The following PTTG1IP2 variants were observed in gnomAD, a reference collection of about 807,000 sequenced individuals.
PTTG1IP2 encodes the protein PTTG1IP family member 2.
chr7:90,509,248 C>G (rs1798158307), intron 6 of PTTG1IP2, among the ~76,000 whole-genome samples: 1 of 151,494 alleles, frequency 6.6e-6, no homozygotes, highest in East Asian at 1.9e-4. Context: ...GTCAGGAAAA[C>G]CAGTCAGGAG....
intron 6 of PTTG1IP2, among the ~76,000 whole-genome samples, chr7:90,506,076 A>G (rs1798121798): frequency 6.6e-6 from 1 of 151,168 alleles, no homozygotes; most frequent in South Asian, 2.1e-4. Flanking sequence ...TTTAAATGGT[A>G]ATTACACACT....
chr7:90,493,069 T>A (rs1797956935), intron 5 of PTTG1IP2, among the ~76,000 whole-genome samples: 2 of 152,102 alleles, frequency 1.3e-5, no homozygotes, highest in South Asian at 2.1e-4. Context: ...CACAAAAAAA[T>A]TTTACATCAT....
intron 5 of PTTG1IP2, among the ~76,000 whole-genome samples, chr7:90,493,545 G>A (rs1393755700): frequency 6.6e-6 from 1 of 152,164 alleles, no homozygotes; most frequent in Non-Finnish European, 1.5e-5. Flanking sequence ...AGAGCACAAG[G>A]TTAGGTATTT....
chr7:90,494,690 C>T lies in PTTG1IP2; in HGVS notation c.*50+260C>T, dbSNP rs1010693630. ...TGAGGCCAGGAGTTCGAGACTAGCC[C>T]GGACAATATAGCGAGATTCCATGTC... On this transcript the variant is annotated intron_variant, in intron 6 of 6. Transcript: ENST00000509356. 5.9e-5 allele frequency among the ~76,000 whole-genome samples: 9 copies of T among 152,080 alleles called. No homozygotes were observed. The South Asian group carries it at 8.3e-4, about 14-fold the overall frequency.
At chr7:90,481,303 TG>T (rs950976842) in intron 2 of PTTG1IP2, among the ~76,000 whole-genome samples, 5 of 152,322 alleles carry the variant, frequency 3.3e-5, no homozygotes, top group Admixed American at 3.3e-4. Flanking sequence ...TTAACGGCAC[TG>T]GACCCACATT....
At chr7:90,477,165 A>G (rs1797757467) in intron 1 of PTTG1IP2, among the ~76,000 whole-genome samples, 1 of 152,222 alleles carries the variant, frequency 6.6e-6, no homozygotes, top group Non-Finnish European at 1.5e-5. Flanking sequence ...TGTAATCAAG[A>G]GCAAAGAAGT....
At chr7:90,509,111 G>A (rs1170219038) in intron 6 of PTTG1IP2, among the ~76,000 whole-genome samples, 1 of 133,754 alleles carries the variant, frequency 7.5e-6, no homozygotes. Context: ...GGAATGTGAA[G>A]GCTTTTTTTT....
intron 1 of PTTG1IP2, among the ~76,000 whole-genome samples, chr7:90,476,780 A>G (rs1198776618): frequency 6.6e-6 from 1 of 152,208 alleles, no homozygotes; most frequent in Admixed American, 6.5e-5. Context: ...AATAGATGTA[A>G]CAGGTAAATA....
intron 6 of PTTG1IP2, among the ~76,000 whole-genome samples, chr7:90,505,493 A>T (rs1798113833): frequency 6.6e-6 from 1 of 152,238 alleles, no homozygotes; most frequent in South Asian, 2.1e-4. Context: ...GTTAAATTAC[A>T]TACTAAGCAG....
At chr7:90,470,231 A>G (rs1797666706) in intron 1 of PTTG1IP2, 1 of 152,180 alleles carries the variant, frequency 6.6e-6, no homozygotes, top group African/African-American at 2.4e-5. Flanking sequence ...TGTTGTGAAT[A>G]AGCCATTGGG....
At chr7:90,497,744 A>AAAAAAAAAAG (rs1562988278) in intron 6 of PTTG1IP2, among the ~76,000 whole-genome samples, 1 of 132,408 alleles carries the variant, frequency 7.6e-6, no homozygotes, top group African/African-American at 3.2e-5. Flanking sequence ...AAAAAAAAAA[A>AAAAAAAAAAG]GAAGAAGAAG....
In PTTG1IP2 at chr7:90,497,713, T is replaced by TAAAAAAAAAAAAAAAAAA. The variant is rs1491565834; in HGVS notation, c.*50+3284_*50+3285insAAAAAAAAAAAAAAAAAA. ...GCCTGAGCGACAGAGAAAGACCCTG[T>TAAAAAAAAAAAAAAAAAA]ATAAAAAAAAAAAAAAAAAAAAAAA... On this transcript the variant is annotated intron_variant, in intron 6 of 6. Transcript: ENST00000509356. Among the ~76,000 whole-genome samples the TAAAAAAAAAAAAAAAAAA allele has an allele frequency of 4.4e-4, 22 of 49,596 alleles. 7 individuals are homozygous for TAAAAAAAAAAAAAAAAAA. The East Asian group carries it at 4.5e-3, about 10-fold the overall frequency. The allele number at this position is 49,596 out of a possible 152,430, so 32.5% of individuals were successfully genotyped here. A position where few individuals can be genotyped will look rare whatever the true frequency, so the allele number is the denominator to read the frequency against.
rs557129412 is a variant in PTTG1IP2, at chr7:90,504,315, C to G, written c.*51-8963C>G. On this transcript the variant is annotated intron_variant, in intron 6 of 6. Coordinates refer to ENST00000509356, the MANE Select transcript of PTTG1IP2 (RefSeq NM_001365443.2). ...CGGGCGACAGAGTGAGACTCCATGT[C>G]AAGAGAAAAAAAAAAAGCACATCTA... Among the ~76,000 whole-genome samples the G allele has an allele frequency of 2.8e-5, 4 of 143,000 alleles. No individual in the cohort carries two copies. The East Asian group carries it at 1.0e-3, about 38-fold the overall frequency. 93.8% of individuals were successfully genotyped at this position (143,000 alleles called of 152,430 possible).
At chr7:90,513,128 T>C (rs1451510231) in intron 6 of PTTG1IP2, 150 bp from the exon 7 acceptor site, 2 of 152,696 alleles carry the variant, frequency 1.3e-5, no homozygotes, top group African/African-American at 4.8e-5. Flanking sequence ...TGTACAGCTT[T>C]TCAAGGGATG....
At chr7:90,505,933 G>A (rs1466260523) in intron 6 of PTTG1IP2, among the ~76,000 whole-genome samples, 3 of 136,848 alleles carry the variant, frequency 2.2e-5, no homozygotes, top group South Asian at 2.3e-4. Context: ...GCAGTGAGCC[G>A]AGATTCCGCC....
At chr7:90,490,222 T>C (rs779940215) in intron 4 of PTTG1IP2, among the ~76,000 whole-genome samples, 9 of 152,004 alleles carry the variant, frequency 5.9e-5, no homozygotes, top group Non-Finnish European at 1.3e-4. Flanking sequence ...TTGGAGAGTA[T>C]TTGCATAGTC....
intron 6 of PTTG1IP2, among the ~76,000 whole-genome samples, chr7:90,499,295 G>A (rs748544389): frequency 1.3e-5 from 2 of 152,146 alleles, no homozygotes; most frequent in Non-Finnish European, 2.9e-5. Context: ...TGCATGCAAC[G>A]GAAATTCACA....
intron 6 of PTTG1IP2, among the ~76,000 whole-genome samples, chr7:90,497,171 T>G (rs1798001576): frequency 6.6e-6 from 1 of 152,060 alleles, no homozygotes; most frequent in Admixed American, 6.6e-5. Flanking sequence ...GTGGCTCACA[T>G]CTGTAATCCC....
intron 4 of PTTG1IP2, among the ~76,000 whole-genome samples, 171 bp downstream of exon 4, chr7:90,489,135 A>G (rs1346695569): frequency 6.6e-6 from 1 of 151,760 alleles, no homozygotes; most frequent in Non-Finnish European, 1.5e-5. Flanking sequence ...TGAAAAAAAA[A>G]AAAAGTTTAA....
Sources: allele counts gnomAD v4.1 joint callset (sites outside exome capture counted in the v4.1 genomes callset), GRCh38; gene constraint gnomAD v4.1.1; transcripts MANE v1.5; gene names NCBI Gene and HGNC (gene_info 2026-07-23, HGNC 2026-07-21).